Variants in SEMA5A observed in about 807,000 individuals in gnomAD.
The protein encoded by SEMA5A is semaphorin 5A, also known as semaphorin-5A.
Under a neutral mutation model 135.5 loss-of-function variants are expected in SEMA5A, and 55 were observed. The ratio of observed to expected loss-of-function variants is 0.41; its 90% CI spans 0.33 to 0.51. The LOEUF (loss-of-function observed/expected upper bound fraction) is 0.51, where lower values mean the gene tolerates loss of function less well. SEMA5A is among the 20% of genes least tolerant of loss of function. The pLI is 0.37. For missense variants in SEMA5A, 1,290 were observed against 1,419.9 expected, an observed-to-expected ratio of 0.91 and a Z score of 1.47; for synonymous variants, 580 against 546.5, an observed-to-expected ratio of 1.06 and a Z score of -0.85.
Position 9,154,684 on chromosome 5 carries a change from T to G in SEMA5A, c.1285A>C (p.Ile429Leu), listed in dbSNP as rs762787230. 1 of 1,613,802 alleles carries G rather than the reference T, an allele frequency of 6.2e-7. No homozygotes were observed. Among genetic ancestry groups the G allele is most frequent in the Non-Finnish European group, 8.5e-7 (1 of 1,179,984 alleles). Reference sequence around the variant, plus strand: ...TTCAGGGGTACCCGCACTTTCTTAATGGTTCCGTAATCTATGAAGGTCACA... The same window carrying G: ...TTCAGGGGTACCCGCACTTTCTTAAGGGTTCCGTAATCTATGAAGGTCACA... ...IIYLATDYGT[I>L]KKVRVPLNQT... is the part of the protein sequence containing the mutation. Residue 429 changes from isoleucine to leucine, a missense_variant, in exon 12 of 23, where the codon ATT becomes CTT. Around this residue, in one of 3 missense-constraint regions of SEMA5A, gnomAD observed 1,029 missense variants for 1,086.6 expected, o/e 0.95. Coordinates refer to ENST00000382496, the MANE Select transcript of SEMA5A (RefSeq NM_003966.3).
At chr5:9,395,990 C>A (rs1394264285) in intron 2 of SEMA5A, among the ~76,000 whole-genome samples, 1 of 152,070 alleles carries the variant, frequency 6.6e-6, no homozygotes, top group Non-Finnish European at 1.5e-5. Flanking sequence ...AAGCACAAAT[C>A]TCACAGTTTA....
Position 9,050,353 on chromosome 5 carries a change from G to A in SEMA5A, c.2893+57C>T, listed in dbSNP as rs1355366908. On this transcript the variant is annotated intron_variant, in intron 21 of 22. Coordinates refer to ENST00000382496, the MANE Select transcript of SEMA5A (RefSeq NM_003966.3). ...AAATTATAGAAAACATGCAGGAAGG[G>A]AAATGATTAGAATATATCAGTACAT... 2.8e-6 allele frequency: 4 copies of A among 1,440,420 alleles called. No homozygotes were observed. The South Asian group carries it at 3.9e-5, about 14-fold the overall frequency. 89.2% of individuals were successfully genotyped at this position (1,440,420 alleles called of 1,614,324 possible).
chr5:9,171,149 A>G (rs935362100), intron 11 of SEMA5A, among the ~76,000 whole-genome samples: 2 of 152,162 alleles, frequency 1.3e-5, no homozygotes, highest in Non-Finnish European at 2.9e-5. Flanking sequence ...TCCTCCCATA[A>G]TCTATTCAAC....
intron 16 of SEMA5A, among the ~76,000 whole-genome samples, chr5:9,088,276 C>T (rs57284285): frequency 6.7e-6 from 1 of 148,718 alleles, no homozygotes; most frequent in African/African-American, 2.5e-5. Context: ...TGCACTCCAG[C>T]CTGGCAACAG....
chr5:9,097,428 T>C (rs942099181), intron 16 of SEMA5A, among the ~76,000 whole-genome samples: 6 of 152,216 alleles, frequency 3.9e-5, no homozygotes, highest in African/African-American at 1.4e-4. Flanking sequence ...GACCACGCCA[T>C]AAGCAGCATA....
chr5:9,429,065 G>A (rs1757766308), intron 2 of SEMA5A, among the ~76,000 whole-genome samples: 1 of 152,218 alleles, frequency 6.6e-6, no homozygotes. Flanking sequence ...TGGGGACACA[G>A]AGGGGGTGTG....
Position 9,209,168 on chromosome 5 carries a change from C to T in SEMA5A, c.647-6928G>A, listed in dbSNP as rs144251621. The stretch of plus-strand genomic sequence containing the variant: ...TCCAAAACTCACACCTACAATTCTC[C>T]ATATCTTTAGGTCAATAGGAGTTTT... On this transcript the variant is annotated intron_variant, in intron 8 of 22. Coordinates refer to ENST00000382496, the MANE Select transcript of SEMA5A (RefSeq NM_003966.3). 1.6e-3 allele frequency among the ~76,000 whole-genome samples: 241 copies of T among 152,282 alleles called. 1 individual carries two copies. The highest frequency in any genetic ancestry group is 5.5e-3 in the African/African-American group (228 of 41,550).
chr5:9,490,332 C>A (rs1296429204), intron 1 of SEMA5A, among the ~76,000 whole-genome samples: 2 of 151,890 alleles, frequency 1.3e-5, no homozygotes, highest in African/African-American at 4.8e-5. Context: ...TTTGACACAA[C>A]CTATGGTTAC....
intron 5 of SEMA5A, among the ~76,000 whole-genome samples, chr5:9,287,718 C>G (rs1579284613): frequency 6.6e-6 from 1 of 152,122 alleles, no homozygotes; most frequent in Non-Finnish European, 1.5e-5. Context: ...TTGTCTATAG[C>G]CGGCTTTGTA....
chr5:9,427,816 A>G (rs1757711763), intron 2 of SEMA5A, among the ~76,000 whole-genome samples: 4 of 152,058 alleles, frequency 2.6e-5, no homozygotes, highest in Admixed American at 2.6e-4. Context: ...GCCTACCCCT[A>G]ATTTGCCACA....
intron 1 of SEMA5A, among the ~76,000 whole-genome samples, chr5:9,477,697 T>C (rs568710904): frequency 1.3e-5 from 2 of 152,200 alleles, no homozygotes; most frequent in Non-Finnish European, 2.9e-5. Flanking sequence ...TTACTCAAGA[T>C]GTGACCTGGG....
At chr5:9,448,693 T>C (rs28413077) in intron 1 of SEMA5A, among the ~76,000 whole-genome samples, 23,443 of 152,256 alleles carry the variant, frequency 0.15, 2,381 homozygotes, top group African/African-American at 0.29. Flanking sequence ...GATTTTATCT[T>C]ATTGGCTTGA....
At chr5:9,368,590 A>G (rs886630521) in intron 3 of SEMA5A, among the ~76,000 whole-genome samples, 1 of 152,228 alleles carries the variant, frequency 6.6e-6, no homozygotes, top group African/African-American at 2.4e-5. Context: ...GCAGCCATTA[A>G]TAGGTATTCT....
chr5:9,314,751 AAC>A (rs1752318034), intron 5 of SEMA5A, among the ~76,000 whole-genome samples: 1 of 152,184 alleles, frequency 6.6e-6, no homozygotes, highest in Admixed American at 6.5e-5. Flanking sequence ...AGACTAAGTA[AAC>A]AGTAGGCTAC....
At chr5:9,364,221 C>A (rs1203182747) in intron 3 of SEMA5A, among the ~76,000 whole-genome samples, 31 of 152,282 alleles carry the variant, frequency 2.0e-4, no homozygotes, top group Middle Eastern at 3.4e-3. Context: ...CCCTTAAGAG[C>A]TTTCAAAATC....
intron 3 of SEMA5A, among the ~76,000 whole-genome samples, chr5:9,351,412 T>C (rs943133913): frequency 6.6e-6 from 1 of 152,204 alleles, no homozygotes; most frequent in Non-Finnish European, 1.5e-5. Context: ...ATGCCACTTA[T>C]GATATAATTA....
At chr5:9,504,579 G>A (rs902327475) in intron 1 of SEMA5A, among the ~76,000 whole-genome samples, 2 of 152,220 alleles carry the variant, frequency 1.3e-5, no homozygotes, top group African/African-American at 2.4e-5. Flanking sequence ...AGCATGGTGA[G>A]GCGCAAGGGG....
chr5:9,043,244 A>G (rs1736059408), intron 22 of SEMA5A: 2 of 413,312 alleles, frequency 4.8e-6, no homozygotes, highest in Non-Finnish European at 8.6e-6. Flanking sequence ...TAAGTTTTCA[A>G]CTTTAGTTAT....
chr5:9,496,788 G>A (rs945432478), intron 1 of SEMA5A, among the ~76,000 whole-genome samples: 11 of 152,078 alleles, frequency 7.2e-5, no homozygotes, highest in African/African-American at 1.9e-4. Flanking sequence ...GGACTGCCTC[G>A]ATTTTTCACT....
Sources: gnomAD v4.1 joint callset for allele counts (sites outside exome capture counted in the v4.1 genomes callset) on GRCh38, gnomAD v4.1.1 for gene constraint, gnomAD v4.1.1 regional missense constraint, MANE v1.5 for transcripts, NCBI Gene and HGNC (gene_info 2026-07-23, HGNC 2026-07-21) for gene names.